SLC30A7: variants seen among roughly 807,000 people sequenced by gnomAD.
The protein encoded by SLC30A7 is solute carrier family 30 member 7.
In SLC30A7, 35 loss-of-function variants were observed where a neutral mutation model predicts 46.0. The ratio of observed to expected loss-of-function variants is 0.76; its 90% confidence interval spans 0.58 to 1.01. SLC30A7 has a LOEUF of 1.01. SLC30A7 is among the 50% of genes least tolerant of loss of function. The pLI is 0.00. For synonymous variants in SLC30A7, 147 were observed against 157.8 expected, an observed-to-expected ratio of 0.93 and a Z score of 0.51; for missense variants, 464 against 451.1, an observed-to-expected ratio of 1.03 and a Z score of -0.26.
rs1273792487 is a variant in SLC30A7 at position 100,978,184 on chromosome 1, G to C, written c.*3327G>C. On this transcript the variant is annotated 3_prime_UTR_variant, in exon 11 of 11. Coordinates refer to ENST00000357650, the MANE Select transcript of SLC30A7 (RefSeq NM_133496.5). ...CAGTATCTAGTTTATCTGTAGGTCA[G>C]TGTTCCTTGTGCTGTCATTTCCCTT... The C allele has an allele frequency of 6.6e-6, 1 of 152,208 alleles. No individual in the cohort carries two copies. Among genetic ancestry groups the C allele is most frequent in the African/African-American group, 2.4e-5 (1 of 41,440 alleles). 9.4% of individuals were successfully genotyped at this position (152,208 alleles called of 1,614,324 possible). A position where few individuals can be genotyped will look rare whatever the true frequency, so the allele number is the denominator to read the frequency against.
Position 100,952,560 on chromosome 1 carries a change from C to T in SLC30A7, c.843-9268C>T, listed in dbSNP as rs115085146. Reference sequence around the variant, plus strand: ...TTGTTTCATGTAATTGACTCTTACTCATTCATCACCAAATGGGGAAAGACA... The same window carrying T: ...TTGTTTCATGTAATTGACTCTTACTTATTCATCACCAAATGGGGAAAGACA... On this transcript the variant is annotated intron_variant, in intron 8 of 10. Transcript: ENST00000357650. Among the ~76,000 whole-genome samples, 917 of 152,142 alleles carry T rather than the reference C, an allele frequency of 6.0e-3. 12 individuals carry two copies. The highest frequency in any genetic ancestry group is 0.019 in the African/African-American group (793 of 41,498).
At chr1:100,902,478 G>A (rs917758804) in intron 2 of SLC30A7, among the ~76,000 whole-genome samples, 3 of 152,122 alleles carry the variant, frequency 2.0e-5, no homozygotes, top group Non-Finnish European at 2.9e-5. Context: ...AAAAAAAGGA[G>A]TGTGTGTTAG....
At chr1:100,941,105 C>A (rs1654319200) in intron 8 of SLC30A7, 1 of 319,822 alleles carries the variant, frequency 3.1e-6, no homozygotes, top group Admixed American at 3.4e-5. Context: ...TTGCCTCCAC[C>A]ACCATAGGGG....
At position 100,906,963 on chromosome 1, in the gene SLC30A7, T is replaced by C. The variant is rs530767143; in HGVS notation, c.294T>C (p.Tyr98=). 1.3e-6 allele frequency: 2 copies of C among 1,590,114 alleles called. No individual in the cohort carries two copies. Among genetic ancestry groups the C allele is most frequent in the East Asian group, 4.5e-5 (2 of 44,748 alleles). ...GGAGAGATAATGATGCTTTCTCCTA[T>C]GGGTAAGACTTTAAGAAAAAAAATC... ...SKWRDNDAFS[Y]GYVRAEVLAG... The change falls in exon 3 of 11, where the codon TAT becomes TAC. Residue 98 remains tyrosine, a splice_region_variant and synonymous_variant. Coordinates refer to ENST00000357650, the MANE Select transcript of SLC30A7 (RefSeq NM_133496.5).
intron 9 of SLC30A7, among the ~76,000 whole-genome samples, chr1:100,963,150 T>C (rs974057115): frequency 6.6e-6 from 1 of 152,202 alleles, no homozygotes; most frequent in Non-Finnish European, 1.5e-5. Context: ...GAAAGAGTTA[T>C]AAGTCATCAA....
chr1:100,915,273 C>CTTTT (rs1652464883), intron 6 of SLC30A7, among the ~76,000 whole-genome samples: 1 of 101,058 alleles, frequency 9.9e-6, no homozygotes, highest in Non-Finnish European at 2.1e-5. Flanking sequence ...TTCTTTCTTT[C>CTTTT]TACTTTTGCA....
At chr1:100,990,613 A>G in the SLC30A7 span, 1 of 1,614,004 alleles carries the variant, frequency 6.2e-7, no homozygotes, top group Admixed American at 1.7e-5. Context: ...GCCAACACAA[A>G]GTGTCTCCTC....
chr1:100,964,282 C>CCTATATAGGTTATATAACCTATAACCT (rs1553242346), intron 9 of SLC30A7, among the ~76,000 whole-genome samples: 1,587 of 101,538 alleles, frequency 0.016, 36 homozygotes, highest in African/African-American at 0.05. Flanking sequence ...TAACCTATAA[C>CCTATATAGGTTATATAACCTATAACCT]ATATATGTTA....
chr1:100,906,527 C>T (rs990162506), intron 2 of SLC30A7, among the ~76,000 whole-genome samples: 1 of 151,462 alleles, frequency 6.6e-6, no homozygotes, highest in African/African-American at 2.4e-5. Context: ...TAGTAGATGG[C>T]TTTTTTTTTC....
At chr1:100,974,737 A>C (rs1190258235) in intron 10 of SLC30A7, 73 bp from the exon 11 acceptor site, 9 of 1,123,132 alleles carry the variant, frequency 8.0e-6, no homozygotes, top group Non-Finnish European at 9.8e-6. Flanking sequence ...AAAGAAAAAA[A>C]ATACTTTCCT....
intron 8 of SLC30A7, among the ~76,000 whole-genome samples, chr1:100,952,885 G>A (rs1375706791): frequency 6.6e-6 from 1 of 152,204 alleles, no homozygotes; most frequent in Non-Finnish European, 1.5e-5. Context: ...TGAACACTAT[G>A]TAGATTGGAT....
chr1:100,902,430 T>G (rs1651364861), intron 2 of SLC30A7, among the ~76,000 whole-genome samples: 1 of 152,190 alleles, frequency 6.6e-6, no homozygotes, highest in Non-Finnish European at 1.5e-5. Flanking sequence ...TATGGCAATA[T>G]TTGGTTTATG....
Position 100,918,082 on chromosome 1 carries a change from C to T in SLC30A7, c.661C>T (p.Pro221Ser), listed in dbSNP as rs1274925205. The change falls in exon 7 of 11, where the codon CCG becomes TCG. Residue 221 changes from proline (P) to serine (S), a missense_variant. By Grantham distance (74) the Pro-to-Ser change is moderately conservative. Coordinates refer to ENST00000357650, the MANE Select transcript of SLC30A7 (RefSeq NM_133496.5). ...GHGHFHSHDG[P>S]SLKETTGPSR... ...AATAACTTAATTCTCTACAGATGGCCCGTCCTTAAAAGAAACAACAGGACC... is the reference window on the plus strand; with the variant it reads ...AATAACTTAATTCTCTACAGATGGCTCGTCCTTAAAAGAAACAACAGGACC... 6.2e-7 allele frequency: 1 copy of T among 1,611,102 alleles called. No homozygotes were observed. The highest frequency in any genetic ancestry group is 8.5e-7 in the Non-Finnish European group (1 of 1,178,140).
chr1:100,965,439 G>T (rs1445099242), intron 9 of SLC30A7, among the ~76,000 whole-genome samples: 1 of 152,178 alleles, frequency 6.6e-6, no homozygotes, highest in Non-Finnish European at 1.5e-5. Context: ...AGTTAAGGAA[G>T]TGTCCTTCTA....
intron 8 of SLC30A7, among the ~76,000 whole-genome samples, chr1:100,960,435 C>T (rs1187716917): frequency 6.6e-6 from 1 of 152,136 alleles, no homozygotes; most frequent in Non-Finnish European, 1.5e-5. Context: ...CACTTTATGA[C>T]CAGCACTTTG....
At chr1:100,897,954 A>G (rs1476032776) in intron 2 of SLC30A7, among the ~76,000 whole-genome samples, 1 of 152,208 alleles carries the variant, frequency 6.6e-6, no homozygotes, top group Non-Finnish European at 1.5e-5. Flanking sequence ...TGTTGAAAGC[A>G]CTTGTACTTG....
intron 8 of SLC30A7, among the ~76,000 whole-genome samples, chr1:100,924,356 T>A (rs1163105055): frequency 6.6e-6 from 1 of 152,156 alleles, no homozygotes; most frequent in Non-Finnish European, 1.5e-5. Flanking sequence ...TTTGCTCATA[T>A]TTCCTCTATT....
Position 100,974,798 on chromosome 1 carries a change from CT to C in SLC30A7, c.1084-10del. 1 of 1,539,090 alleles carries C rather than the reference CT, an allele frequency of 6.5e-7. No homozygotes were observed. The highest frequency in any genetic ancestry group is 8.8e-7 in the Non-Finnish European group (1 of 1,137,894). On this transcript the variant is annotated splice_polypyrimidine_tract_variant and intron_variant, in intron 10 of 10. Transcript: ENST00000357650. ...GTTAGATTTTCTAACTTTTTTTTTT[CT>C]TACTTTTCAGGCTGGAGTGAGACAG...
chr1:100,986,201 G>A (rs773832944), downstream of SLC30A7, among the ~76,000 whole-genome samples: 9 of 152,106 alleles, frequency 5.9e-5, no homozygotes, highest in Non-Finnish European at 1.3e-4. Flanking sequence ...CCTGAGGTTG[G>A]GAGTTCGGGA....
Sources: gnomAD v4.1 joint callset for allele counts (sites outside exome capture counted in the v4.1 genomes callset) on GRCh38, gnomAD v4.1.1 for gene constraint, MANE v1.5 for transcripts, NCBI Gene and HGNC (gene_info 2026-07-23, HGNC 2026-07-21) for gene names.